The following ANKS1B variants were observed in gnomAD, a reference collection of about 807,000 sequenced individuals.
The protein encoded by ANKS1B is ankyrin repeat and sterile alpha motif domain-containing protein 1B.
Under a neutral mutation model 148.3 loss-of-function variants are expected in ANKS1B, and 36 were observed. The ratio of observed to expected loss-of-function variants is 0.24; its 90% confidence interval spans 0.19 to 0.32. The LOEUF is 0.32. Ranked by LOEUF, ANKS1B falls within the 10% of genes least tolerant of loss-of-function variation. The pLI, the probability that ANKS1B is intolerant of heterozygous loss-of-function variation, is 1.00. For missense variants in ANKS1B, 1,157 were observed against 1,542.6 expected, an observed-to-expected ratio of 0.75 and a Z score of 4.19; for synonymous variants, 542 against 560.8, an observed-to-expected ratio of 0.97 and a Z score of 0.47.
chr12:99,624,945 C>G (rs2098095272), intron 9 of ANKS1B, among the ~76,000 whole-genome samples: 1 of 152,048 alleles, frequency 6.6e-6, no homozygotes, highest in African/African-American at 2.4e-5. Context: ...AACCTGCGCT[C>G]ATATGTTTAT....
intron 10 of ANKS1B, among the ~76,000 whole-genome samples, chr12:99,468,563 A>C (rs916287104): frequency 1.3e-5 from 2 of 152,228 alleles, no homozygotes; most frequent in Non-Finnish European, 2.9e-5. Flanking sequence ...TAATATCCAG[A>C]ATCTACAATG....
chr12:98,888,041 A>G (rs1295558627), intron 17 of ANKS1B, among the ~76,000 whole-genome samples: 2 of 152,254 alleles, frequency 1.3e-5, no homozygotes, highest in South Asian at 2.1e-4. Flanking sequence ...CTTAAATGAT[A>G]TAAGTCTACT....
chr12:98,846,764 C>G (rs77827444), intron 17 of ANKS1B, among the ~76,000 whole-genome samples: 2,972 of 152,310 alleles, frequency 0.02, 89 homozygotes, highest in East Asian at 0.095. Flanking sequence ...TACTCATCTT[C>G]TACTCTTTCG....
intron 22 of ANKS1B, among the ~76,000 whole-genome samples, chr12:98,788,210 G>A (rs951213331): frequency 6.7e-6 from 1 of 149,760 alleles, no homozygotes; most frequent in South Asian, 2.1e-4. Context: ...TTCAAGACCA[G>A]CCGGACCAAC....
intron 26 of ANKS1B, among the ~76,000 whole-genome samples, chr12:98,746,066 C>G (rs1593305101): frequency 6.6e-6 from 1 of 152,192 alleles, no homozygotes; most frequent in East Asian, 1.9e-4. Context: ...AAGGCACAGC[C>G]CTTGCCCTTG....
chr12:99,028,146 T>C (rs1363954987), intron 17 of ANKS1B, among the ~76,000 whole-genome samples: 2 of 152,316 alleles, frequency 1.3e-5, no homozygotes, highest in East Asian at 1.9e-4. Flanking sequence ...TTTAAAAAAT[T>C]AATACATGGA....
At chr12:99,009,695 T>C (rs186964731) in intron 17 of ANKS1B, among the ~76,000 whole-genome samples, 1 of 152,112 alleles carries the variant, frequency 6.6e-6, no homozygotes, top group African/African-American at 2.4e-5. Flanking sequence ...CTAGGCAGAA[T>C]GTGAAATAAG....
chr12:98,921,804 T>C (rs1441469256), intron 17 of ANKS1B, among the ~76,000 whole-genome samples: 2 of 152,200 alleles, frequency 1.3e-5, no homozygotes, highest in Non-Finnish European at 2.9e-5. Context: ...GGAACTAATT[T>C]GAAGAGGTTT....
intron 10 of ANKS1B, among the ~76,000 whole-genome samples, chr12:99,501,212 C>T (rs908320014): frequency 6.6e-6 from 1 of 151,990 alleles, no homozygotes; most frequent in Non-Finnish European, 1.5e-5. Context: ...TCTACTAATT[C>T]CAGTATTTGA....
chr12:98,934,881 A>C (rs1340543756), intron 17 of ANKS1B, among the ~76,000 whole-genome samples: 2 of 151,332 alleles, frequency 1.3e-5, no homozygotes, highest in Admixed American at 6.6e-5. Flanking sequence ...TTTTAAATGG[A>C]GTCTTTAGAA....
chr12:99,255,904 A>G (rs145082513), intron 12 of ANKS1B, among the ~76,000 whole-genome samples: 157 of 152,318 alleles, frequency 1.0e-3, no homozygotes, highest in African/African-American at 3.6e-3. Flanking sequence ...TGAGAATTAC[A>G]TGTATTCTCC....
At chr12:99,636,692 T>C (rs897553929) in intron 9 of ANKS1B, among the ~76,000 whole-genome samples, 12 of 152,302 alleles carry the variant, frequency 7.9e-5, no homozygotes, top group African/African-American at 2.6e-4. Context: ...AGTGTTGTCT[T>C]GTTCAACCTC....
intron 17 of ANKS1B, among the ~76,000 whole-genome samples, chr12:99,026,948 G>T (rs907450574): frequency 6.6e-6 from 1 of 152,202 alleles, no homozygotes; most frequent in Non-Finnish European, 1.5e-5. Context: ...TGTAGTTAAA[G>T]AAATGCGGGG....
At position 98,999,514 on chromosome 12, in the gene ANKS1B, A is replaced by T. The variant is rs2099931701; in HGVS notation, c.2778+53643T>A. ...AGATAAATAGCAAATATTCTGGGAA[A>T]GGATACTTTATGTTTTTGCAAAAGG... On this transcript the variant is annotated intron_variant, in intron 17 of 26. Coordinates refer to ENST00000683438, the MANE Select transcript of ANKS1B (RefSeq NM_001352186.2). Among the ~76,000 whole-genome samples, 4 of 152,344 alleles carry T rather than the reference A, an allele frequency of 2.6e-5. No homozygotes were observed. The South Asian group carries it at 8.3e-4, about 32-fold the overall frequency.
chr12:99,240,762 T>G (rs1195028497), intron 14 of ANKS1B, among the ~76,000 whole-genome samples: 1 of 152,206 alleles, frequency 6.6e-6, no homozygotes, highest in Non-Finnish European at 1.5e-5. Context: ...ACTGCTCAAC[T>G]ACGTGGAAAC....
chr12:99,241,113 G>GT (rs2089230188), intron 14 of ANKS1B, among the ~76,000 whole-genome samples: 1 of 152,122 alleles, frequency 6.6e-6, no homozygotes, highest in Admixed American at 6.5e-5. Flanking sequence ...CCAGGAGCTG[G>GT]TTTTTTGAAA....
intron 15 of ANKS1B, among the ~76,000 whole-genome samples, chr12:99,137,554 A>G (rs2068567165): frequency 6.6e-6 from 1 of 152,320 alleles, no homozygotes; most frequent in South Asian, 2.1e-4. Context: ...TTACACAGAG[A>G]GGGCTGTGGA....
At chr12:98,918,724 T>G (rs1357391660) in intron 17 of ANKS1B, among the ~76,000 whole-genome samples, 3 of 152,250 alleles carry the variant, frequency 2.0e-5, no homozygotes, top group Non-Finnish European at 4.4e-5. Flanking sequence ...TTTAACACAT[T>G]GTCTCACACT....
intron 1 of ANKS1B, among the ~76,000 whole-genome samples, chr12:99,831,281 G>A (rs1458857278): frequency 6.7e-6 from 1 of 150,104 alleles, no homozygotes; most frequent in Non-Finnish European, 1.5e-5. Context: ...TTATCAAATT[G>A]GGAAAAAAGT....
Sources: allele counts gnomAD v4.1 joint callset (sites outside exome capture counted in the v4.1 genomes callset), GRCh38; gene constraint gnomAD v4.1.1; transcripts MANE v1.5; gene names NCBI Gene and HGNC (gene_info 2026-07-23, HGNC 2026-07-21).